The following RALGAPB variants were observed in gnomAD, a reference collection of about 807,000 sequenced individuals.
The protein encoded by RALGAPB is ral GTPase-activating protein subunit beta.
Under a neutral mutation model 161.1 loss-of-function variants are expected in RALGAPB, and 25 were observed. That is an observed-to-expected ratio of 0.16 (90% CI 0.11 to 0.22). RALGAPB has a LOEUF of 0.22. Ranked by LOEUF, RALGAPB falls within the 10% of genes least tolerant of loss-of-function variation. The pLI, the probability that RALGAPB is intolerant of heterozygous loss-of-function variation, is 1.00. For synonymous variants in RALGAPB, 629 were observed against 626.1 expected (o/e 1.00, Z -0.07); for missense variants, 1,391 against 1,815.2 (o/e 0.77, Z 4.25).
rs775011286 is a variant in RALGAPB at position 38,558,405 on chromosome 20, C to T, written c.3483C>T (p.Asp1161=). ...YLDLLPCRPF[D]TVFIFYMKPG... ...ATCTCTTGCCATGTCGTCCTTTTGACACAGTTTTTATTTTCTATATGAAGC... is the reference window on the plus strand; with the variant it reads ...ATCTCTTGCCATGTCGTCCTTTTGATACAGTTTTTATTTTCTATATGAAGC... Residue 1161 remains aspartate, a synonymous_variant, in exon 23 of 30, where the codon GAC becomes GAT. Coordinates refer to ENST00000262879, the MANE Select transcript of RALGAPB (RefSeq NM_020336.4). 4.4e-6 allele frequency: 7 copies of T among 1,603,968 alleles called. No individual in the cohort carries two copies. The East Asian group carries it at 6.7e-5, about 15-fold the overall frequency.
intron 23 of RALGAPB, among the ~76,000 whole-genome samples, chr20:38,561,241 G>C (rs567553149): frequency 6.6e-6 from 1 of 152,182 alleles, no homozygotes; most frequent in Non-Finnish European, 1.5e-5. Flanking sequence ...GGAGAATGGC[G>C]TGAACCCGGG....
intron 9 of RALGAPB, chr20:38,520,171 C>T (rs1296021751): frequency 4.4e-6 from 2 of 459,058 alleles, no homozygotes; most frequent in Non-Finnish European, 5.7e-6. Flanking sequence ...AAAATTTCAC[C>T]ATCTTTAAAG....
At chr20:38,561,273 G>C (rs927776154) in intron 23 of RALGAPB, among the ~76,000 whole-genome samples, 1 of 152,224 alleles carries the variant, frequency 6.6e-6, no homozygotes, top group African/African-American at 2.4e-5. Context: ...GCAGTGAGCA[G>C]AGATTGCGCC....
intron 1 of RALGAPB, among the ~76,000 whole-genome samples, chr20:38,487,087 C>T (rs1200026864): frequency 1.3e-5 from 2 of 152,148 alleles, no homozygotes; most frequent in African/African-American, 4.8e-5. Context: ...AAAGAGAGGA[C>T]ATTTGAGTTG....
intron 21 of RALGAPB, 39 bp downstream of exon 21, chr20:38,551,262 TA>T (rs2087364108): frequency 6.3e-7 from 1 of 1,591,616 alleles, no homozygotes; most frequent in African/African-American, 1.3e-5. Context: ...AGGGGATGAA[TA>T]GAAACATTCT....
intron 2 of RALGAPB, among the ~76,000 whole-genome samples, chr20:38,492,638 G>A (rs1171985433): frequency 6.6e-6 from 1 of 152,092 alleles, no homozygotes; most frequent in African/African-American, 2.4e-5. Flanking sequence ...GAAATGACCT[G>A]TATTTACTTT....
At position 38,496,981 on chromosome 20, in the gene RALGAPB, A is replaced by G. The variant is rs570672713; in HGVS notation, c.390-372A>G. On this transcript the variant is annotated intron_variant, in intron 3 of 29. Transcript: ENST00000262879. ...AGAATACCAAGGCCATTCTGCTTCA[A>G]TGTGAGCAGCAAGGGTGGCGGTGGG... 3.9e-5 allele frequency among the ~76,000 whole-genome samples: 6 copies of G among 152,318 alleles called. No individual in the cohort carries two copies. In the East Asian group the frequency reaches 5.8e-4, roughly 15 times the overall value.
At position 38,509,092 on chromosome 20, in the gene RALGAPB, A is replaced by C. The variant is rs563256760; in HGVS notation, c.756A>C (p.Thr252=). The change falls in exon 6 of 30, where the codon ACA becomes ACC. Residue 252 remains threonine (T), a synonymous_variant. Coordinates refer to ENST00000262879, the MANE Select transcript of RALGAPB (RefSeq NM_020336.4). ...TATTTTCTAGATTGCTACGCTTTAC[A>C]TATGGTCCTTCATTTCCTGCATTTA... The part of the protein sequence containing the change: ...CALTSRLLRF[T]YGPSFPAFKV... The C allele has an allele frequency of 7.4e-6, 12 of 1,613,764 alleles. No homozygotes were observed. The East Asian group carries it at 2.7e-4, about 36-fold the overall frequency.
intron 28 of RALGAPB, 45 bp downstream of exon 28, chr20:38,570,892 C>T (rs1258272336): frequency 1.0e-5 from 13 of 1,238,278 alleles, no homozygotes; most frequent in Non-Finnish European, 1.5e-5. Flanking sequence ...CTTTTTTTAA[C>T]ATATTGATTG....
intron 7 of RALGAPB, 113 bp from the exon 8 acceptor site, chr20:38,517,393 C>T: frequency 9.7e-7 from 1 of 1,027,964 alleles, no homozygotes; most frequent in Non-Finnish European, 1.3e-6. Context: ...AACTAGCAAT[C>T]TCTGCTATAG....
At chr20:38,531,758 G>C (rs1480230215) in intron 14 of RALGAPB, among the ~76,000 whole-genome samples, 1 of 152,056 alleles carries the variant, frequency 6.6e-6, no homozygotes, top group Non-Finnish European at 1.5e-5. Flanking sequence ...GGGTTAATAG[G>C]GTATACTGGG....
chr20:38,530,601 C>CTT (rs761028236), intron 13 of RALGAPB, among the ~76,000 whole-genome samples: 7 of 140,950 alleles, frequency 5.0e-5, no homozygotes, highest in Admixed American at 7.1e-5. Flanking sequence ...TTTTCTTTCT[C>CTT]TTTTTTTTTT....
chr20:38,530,132 G>A (rs1030792218), intron 13 of RALGAPB, among the ~76,000 whole-genome samples: 1 of 152,166 alleles, frequency 6.6e-6, no homozygotes, highest in Non-Finnish European at 1.5e-5. Flanking sequence ...GAGAACCATG[G>A]TATGCAATTT....
intron 20 of RALGAPB, 50 bp downstream of exon 20, chr20:38,548,845 G>C: frequency 6.9e-7 from 1 of 1,459,448 alleles, no homozygotes; most frequent in Non-Finnish European, 9.6e-7. Flanking sequence ...GTAATTTAAA[G>C]GTTAGGTAAC....
intron 6 of RALGAPB, among the ~76,000 whole-genome samples, chr20:38,511,797 G>C (rs557578046): frequency 2.0e-4 from 31 of 151,960 alleles, no homozygotes; most frequent in Non-Finnish European, 1.3e-4. Flanking sequence ...TTTTCTATTC[G>C]ACAAAACCGC....
chr20:38,571,954 C>T (rs991539), intron 28 of RALGAPB, among the ~76,000 whole-genome samples: 137,357 of 151,932 alleles, frequency 0.9, 62,315 homozygotes, highest in East Asian at 0.99. Context: ...TCCCTGATGA[C>T]TGGTGATGTT....
At chr20:38,531,256 C>A (rs757230110) in intron 14 of RALGAPB, 25 bp downstream of exon 14, 1 of 1,532,762 alleles carries the variant, frequency 6.5e-7, no homozygotes, top group South Asian at 1.1e-5. Context: ...TGCAATCTGT[C>A]AGAGAATATC....
At chr20:38,574,350 T>C (rs2088355395) in intron 29 of RALGAPB, 52 bp downstream of exon 29, 3 of 1,522,716 alleles carry the variant, frequency 2.0e-6, no homozygotes, top group Non-Finnish European at 2.6e-6. Context: ...TCTTTATCAT[T>C]TTTATAAACC....
rs2088457173 is a variant in RALGAPB at position 38,576,825 on chromosome 20, T to C, written c.*1858T>C. On this transcript the variant is annotated 3_prime_UTR_variant, in exon 30 of 30. Coordinates refer to ENST00000262879, the MANE Select transcript of RALGAPB (RefSeq NM_020336.4). ...GAGCAGAGAAGGCTATAAATTAATA[T>C]GTAACTTACAGCATTCCAGAGGTTA... The C allele has an allele frequency of 6.6e-6, 1 of 152,640 alleles. No individual in the cohort carries two copies. The highest frequency in any genetic ancestry group is 1.5e-5 in the Non-Finnish European group (1 of 68,036). 9.5% of individuals were successfully genotyped at this position (152,640 alleles called of 1,614,324 possible).
Sources: allele counts gnomAD v4.1 joint callset (sites outside exome capture counted in the v4.1 genomes callset), GRCh38; gene constraint gnomAD v4.1.1; transcripts MANE v1.5; gene names NCBI Gene and HGNC (gene_info 2026-07-23, HGNC 2026-07-21).